Variants in SGCD observed in about 807,000 individuals in gnomAD.
The protein encoded by SGCD is delta-sarcoglycan.
In SGCD, 18 loss-of-function variants were observed where a neutral mutation model predicts 36.6. That is an observed-to-expected ratio of 0.49 (90% CI 0.34 to 0.73). The LOEUF (loss-of-function observed/expected upper bound fraction) is 0.73, where lower values mean the gene tolerates loss of function less well. SGCD is among the 30% of genes least tolerant of loss of function. The probability of loss-of-function intolerance (pLI) is 0.01; values close to 1 mark genes in which losing one functional copy is unlikely to be tolerated. For synonymous variants in SGCD, 133 were observed against 130.6 expected (o/e 1.02, Z -0.12); for missense variants, 387 against 346.7 (o/e 1.12, Z -0.92).
chr5:155,912,583 G>T lies in SGCD; in HGVS notation c.-282+42159G>T, dbSNP rs528169416. Among the ~76,000 whole-genome samples, 146 of 152,182 alleles carry T rather than the reference G, an allele frequency of 9.6e-4. 1 individual carries two copies. The highest frequency in any genetic ancestry group is 2.1e-3 in the Admixed American group (32 of 15,286). ...TTTTGTTCTAATTCATATATTTTTT[G>T]TGTGTGTGGCTGTATTTTAAGCACA... is the stretch of plus-strand genomic sequence containing the variant. On this transcript the variant is annotated intron_variant, in intron 1 of 9. Transcript: ENST00000517913.
At chr5:155,985,212 CT>C (rs1758307230) in intron 1 of SGCD, among the ~76,000 whole-genome samples, 1 of 152,138 alleles carries the variant, frequency 6.6e-6, no homozygotes, top group Non-Finnish European at 1.5e-5. Flanking sequence ...TGGTTCTTTG[CT>C]TTGAGTTTCA....
At chr5:156,294,883 C>A (rs1311137563) in intron 3 of SGCD, among the ~76,000 whole-genome samples, 1 of 151,994 alleles carries the variant, frequency 6.6e-6, no homozygotes, top group Non-Finnish European at 1.5e-5. Flanking sequence ...ATTTGGTTTG[C>A]TAGTATTTTG....
intron 1 of SGCD, among the ~76,000 whole-genome samples, chr5:155,982,536 C>T (rs1477663208): frequency 6.6e-6 from 1 of 152,136 alleles, no homozygotes; most frequent in African/African-American, 2.4e-5. Flanking sequence ...CAGATCTGGA[C>T]ACTGTCCCTC....
At chr5:156,532,828 C>T (rs1757942159) in intron 4 of SGCD, among the ~76,000 whole-genome samples, 3 of 151,870 alleles carry the variant, frequency 2.0e-5, no homozygotes, top group South Asian at 4.2e-4. Context: ...TAGAGATGAA[C>T]AGTCAAAGGA....
At position 156,236,079 on chromosome 5, in the gene SGCD, A is replaced by C. The variant is rs367797674; in HGVS notation, c.-43-93455A>C. ...TATTTTTAGAATAGATCATTTTTGA[A>C]AAATAATTGAAAGAGAAAAGTCTTA... On this transcript the variant is annotated intron_variant, in intron 3 of 9. Coordinates refer to the SGCD transcript ENST00000517913. 9.2e-5 allele frequency among the ~76,000 whole-genome samples: 14 copies of C among 152,354 alleles called. No individual in the cohort carries two copies. In the East Asian group the frequency reaches 1.5e-3, roughly 17 times the overall value.
chr5:156,439,499 G>A (rs770736069), intron 3 of SGCD, among the ~76,000 whole-genome samples: 11 of 152,178 alleles, frequency 7.2e-5, no homozygotes, highest in Middle Eastern at 3.4e-3. Context: ...TCAGGAGCCT[G>A]TTTAAATCTT....
chr5:156,546,734 G>C (rs891181709), intron 4 of SGCD, among the ~76,000 whole-genome samples: 6 of 152,170 alleles, frequency 3.9e-5, no homozygotes, highest in African/African-American at 1.2e-4. Flanking sequence ...ACATGGATTA[G>C]ACCAGAATGG....
At chr5:155,853,130 A>T in the SGCD span, among the ~76,000 whole-genome samples, 1 of 151,822 alleles carries the variant, frequency 6.6e-6, no homozygotes, top group African/African-American at 2.4e-5. Flanking sequence ...CCATTATTAT[A>T]ATATAATGGA....
chr5:156,197,203 G>T (rs367773912), intron 3 of SGCD, among the ~76,000 whole-genome samples: 4 of 152,160 alleles, frequency 2.6e-5, no homozygotes, highest in African/African-American at 9.6e-5. Context: ...AGGGGTCAAA[G>T]AGTATAGAAC....
At chr5:156,595,678 G>A (rs1038230946) in intron 6 of SGCD, among the ~76,000 whole-genome samples, 1 of 152,196 alleles carries the variant, frequency 6.6e-6, no homozygotes, top group African/African-American at 2.4e-5. Flanking sequence ...CAGACTGGCA[G>A]GCGTGCTTGA....
chr5:156,672,455 C>A (rs1430739513), intron 7 of SGCD, among the ~76,000 whole-genome samples: 2 of 152,104 alleles, frequency 1.3e-5, no homozygotes, highest in African/African-American at 2.4e-5. Context: ...CCAGATGCTC[C>A]CAGCCACAGA....
At chr5:156,021,814 G>A (rs1759106610) in intron 1 of SGCD, among the ~76,000 whole-genome samples, 1 of 152,130 alleles carries the variant, frequency 6.6e-6, no homozygotes, top group Non-Finnish European at 1.5e-5. Context: ...TGAGAAGAGT[G>A]ATTCGAGGAG....
At chr5:156,706,996 C>T (rs1365818995) in intron 7 of SGCD, among the ~76,000 whole-genome samples, 1 of 152,066 alleles carries the variant, frequency 6.6e-6, no homozygotes, top group East Asian at 1.9e-4. Flanking sequence ...GTATTTGTTA[C>T]CTGAACAGGG....
intron 1 of SGCD, among the ~76,000 whole-genome samples, chr5:156,021,359 G>A (rs1301809972): frequency 6.6e-6 from 1 of 152,138 alleles, no homozygotes; most frequent in Non-Finnish European, 1.5e-5. Flanking sequence ...AATTAGCCAA[G>A]CATGGTGACT....
At chr5:156,024,334 T>C (rs1759178963) in intron 1 of SGCD, among the ~76,000 whole-genome samples, 1 of 150,788 alleles carries the variant, frequency 6.6e-6, no homozygotes, top group Admixed American at 6.6e-5. Context: ...CAAGATGCAC[T>C]CAATAAATGC....
chr5:156,192,864 G>A (rs1330870501), intron 3 of SGCD, among the ~76,000 whole-genome samples: 2 of 148,168 alleles, frequency 1.3e-5, no homozygotes, highest in African/African-American at 5.1e-5. Context: ...TAAGAAGCCA[G>A]GTGTATATAT....
chr5:155,942,330 G>GTATCTATCTATCTATC (rs1272237547), intron 1 of SGCD, among the ~76,000 whole-genome samples: 14,179 of 134,924 alleles, frequency 0.11, 862 homozygotes, highest in Middle Eastern at 0.13. Flanking sequence ...ATGTATGTAT[G>GTATCTATCTATCTATC]TATGTATCTA....
At chr5:156,274,853 C>T (rs1402940674) in intron 3 of SGCD, among the ~76,000 whole-genome samples, 1 of 152,044 alleles carries the variant, frequency 6.6e-6, no homozygotes, top group East Asian at 1.9e-4. Context: ...CTCCTGTGAC[C>T]CTGGGGTCCC....
intron 3 of SGCD, among the ~76,000 whole-genome samples, chr5:156,319,306 GT>G (rs990190385): frequency 3.9e-5 from 6 of 152,144 alleles, no homozygotes; most frequent in African/African-American, 1.4e-4. Context: ...ATACAGGAAT[GT>G]TTTTCTTCAA....
Sources: allele counts gnomAD v4.1 joint callset (sites outside exome capture counted in the v4.1 genomes callset), GRCh38; gene constraint gnomAD v4.1.1; transcripts MANE v1.5; gene names NCBI Gene and HGNC (gene_info 2026-07-23, HGNC 2026-07-21).